The following RAI14 variants were observed in gnomAD, a reference collection of about 807,000 sequenced individuals.
RAI14 encodes retinoic acid induced 14.
RAI14 carries 45 observed loss-of-function variants against 115.4 expected under a neutral mutation model. That is an observed-to-expected ratio of 0.39 (90% CI 0.31 to 0.50). The LOEUF is 0.50. RAI14 is among the 20% of genes least tolerant of loss of function. The pLI, the probability that RAI14 is intolerant of heterozygous loss-of-function variation, is 0.85. For missense variants in RAI14, 939 were observed against 1,131.2 expected (o/e 0.83, Z 2.44); for synonymous variants, 371 against 415.4 (o/e 0.89, Z 1.30).
At chr5:34,695,190 G>A (rs908562828) in intron 2 of RAI14, among the ~76,000 whole-genome samples, 24 of 152,066 alleles carry the variant, frequency 1.6e-4, no homozygotes, top group South Asian at 6.2e-4. Context: ...GTGAGCCACC[G>A]TGCCTGGCCT....
At chr5:34,830,469 G>A (rs1462460355) in intron 17 of RAI14, among the ~76,000 whole-genome samples, 3 of 152,142 alleles carry the variant, frequency 2.0e-5, no homozygotes, top group African/African-American at 7.2e-5. Context: ...GAGGGTTTTG[G>A]TAGACACTGC....
chr5:34,671,331 A>C (rs1470334509), intron 1 of RAI14, among the ~76,000 whole-genome samples: 1 of 152,192 alleles, frequency 6.6e-6, no homozygotes, highest in Non-Finnish European at 1.5e-5. Flanking sequence ...GAGTGAAATA[A>C]AATTGTGGGT....
intron 2 of RAI14, among the ~76,000 whole-genome samples, chr5:34,744,016 A>T (rs747031546): frequency 2.2e-4 from 34 of 152,234 alleles, no homozygotes; most frequent in Admixed American, 3.9e-4. Context: ...GACTTTGTGG[A>T]TGAAATCATT....
chr5:34,756,047 CAG>C (rs1747833578), intron 2 of RAI14, among the ~76,000 whole-genome samples: 1 of 152,174 alleles, frequency 6.6e-6, no homozygotes, highest in Non-Finnish European at 1.5e-5. Context: ...TGGGGGAGGA[CAG>C]AGTCCTAAAA....
chr5:34,727,038 A>G (rs1743555333), intron 2 of RAI14, among the ~76,000 whole-genome samples: 1 of 152,232 alleles, frequency 6.6e-6, no homozygotes, highest in South Asian at 2.1e-4. Flanking sequence ...AGGACTCAGA[A>G]GAAGACAGGA....
At chr5:34,749,090 T>A (rs1746672967) in intron 2 of RAI14, among the ~76,000 whole-genome samples, 1 of 152,182 alleles carries the variant, frequency 6.6e-6, no homozygotes, top group African/African-American at 2.4e-5. Flanking sequence ...TCCTGGACAA[T>A]GTGAATCTGA....
chr5:34,673,403 GA>G (rs1743753574), intron 1 of RAI14, among the ~76,000 whole-genome samples: 1 of 152,204 alleles, frequency 6.6e-6, no homozygotes, highest in African/African-American at 2.4e-5. Flanking sequence ...ATTCAAAGGG[GA>G]CATTGTAGGT....
intron 4 of RAI14, 121 bp downstream of exon 4, chr5:34,796,148 A>G: frequency 1.3e-6 from 1 of 747,382 alleles, no homozygotes. Context: ...TAATTACAGC[A>G]CTCTGCGAGG....
rs148225544 is a variant in RAI14, at chr5:34,770,451, T to G, written c.167+12853T>G. Among the ~76,000 whole-genome samples the G allele has an allele frequency of 2.8e-3, 430 of 152,344 alleles. 2 individuals are homozygous for G. Among genetic ancestry groups the G allele is most frequent in the African/African-American group, 9.8e-3 (406 of 41,570 alleles). On this transcript the variant is annotated intron_variant, in intron 3 of 17. Transcript: ENST00000265109. ...TAGGAAAATAAAGTCTCTGCCTTCA[T>G]GGTACACACAGTCTAATAGGGCAGA...
At chr5:34,776,109 G>T (rs983241142) in intron 3 of RAI14, among the ~76,000 whole-genome samples, 3 of 152,180 alleles carry the variant, frequency 2.0e-5, no homozygotes, top group African/African-American at 7.2e-5. Context: ...ATGAGATCCT[G>T]TCATTTGCAA....
chr5:34,806,784 A>G (rs893015200), intron 5 of RAI14, among the ~76,000 whole-genome samples: 4 of 152,172 alleles, frequency 2.6e-5, no homozygotes, highest in Non-Finnish European at 5.9e-5. Flanking sequence ...TGCTAATAAG[A>G]CATCAGAGCA....
intron 2 of RAI14, among the ~76,000 whole-genome samples, chr5:34,703,578 G>C (rs1243658239): frequency 1.3e-5 from 2 of 152,208 alleles, no homozygotes; most frequent in African/African-American, 4.8e-5. Flanking sequence ...TCCAAAGACA[G>C]ATCCAAGTTT....
chr5:34,667,557 TA>T (rs547628857), intron 1 of RAI14, among the ~76,000 whole-genome samples: 306 of 151,892 alleles, frequency 2.0e-3, no homozygotes, highest in Non-Finnish European at 3.6e-3. Flanking sequence ...TTATTATTAT[TA>T]TTTTTTTTGC....
intron 1 of RAI14, among the ~76,000 whole-genome samples, chr5:34,678,417 T>C (rs1299585343): frequency 6.6e-6 from 1 of 152,202 alleles, no homozygotes; most frequent in Non-Finnish European, 1.5e-5. Context: ...CCCCAGTTTC[T>C]CAGAATGTAC....
At chr5:34,795,155 A>T (rs568830014) in intron 3 of RAI14, among the ~76,000 whole-genome samples, 8 of 152,224 alleles carry the variant, frequency 5.3e-5, no homozygotes, top group African/African-American at 1.9e-4. Context: ...ATCTGGAGGG[A>T]TGATTGAATT....
chr5:34,680,701 G>A (rs540100217), intron 1 of RAI14, among the ~76,000 whole-genome samples: 1 of 152,088 alleles, frequency 6.6e-6, no homozygotes, highest in Non-Finnish European at 1.5e-5. Flanking sequence ...TCCTTCACCT[G>A]TCCAAATCCC....
intron 2 of RAI14, among the ~76,000 whole-genome samples, chr5:34,697,953 T>C (rs1299061607): frequency 1.3e-5 from 2 of 152,106 alleles, no homozygotes; most frequent in Non-Finnish European, 2.9e-5. Context: ...TAACCTGTGA[T>C]CTTATTCACA....
intron 2 of RAI14, among the ~76,000 whole-genome samples, chr5:34,749,299 C>T (rs1746695464): frequency 6.6e-6 from 1 of 152,204 alleles, no homozygotes; most frequent in African/African-American, 2.4e-5. Flanking sequence ...AGGGTTTTGG[C>T]ATCTTTTCTC....
In RAI14 at chr5:34,824,078, G is replaced by C; in HGVS notation, c.2236G>C (p.Glu746Gln). The part of the protein sequence containing the change: ...VITTLRTAAK[E>Q]MEEKISNLKE... ...AACCACGCTGCGGACTGCAGCAAAA[G>C]AGATGGAAGAAAAAATAAGCAATCT... is the stretch of plus-strand genomic sequence containing the variant. Residue 746 changes from glutamate to glutamine, a missense_variant, in exon 15 of 18, where the codon GAG becomes CAG. Coordinates refer to ENST00000265109, the MANE Select transcript of RAI14 (RefSeq NM_015577.3). 1 of 1,614,178 alleles carries C rather than the reference G, an allele frequency of 6.2e-7. No homozygotes were observed. The highest frequency in any genetic ancestry group is 8.5e-7 in the Non-Finnish European group (1 of 1,180,030).
Sources: allele counts gnomAD v4.1 joint callset (sites outside exome capture counted in the v4.1 genomes callset), GRCh38; gene constraint gnomAD v4.1.1; transcripts MANE v1.5; gene names NCBI Gene and HGNC (gene_info 2026-07-23, HGNC 2026-07-21).